Variants in ANKRD36 observed in about 807,000 individuals in gnomAD.
ANKRD36 encodes the protein ankyrin repeat domain-containing protein 36A.
Under a neutral mutation model 278.1 loss-of-function variants are expected in ANKRD36, and 179 were observed. The observed-to-expected ratio is 0.64, with a 90% CI of 0.57 to 0.73. ANKRD36 has a LOEUF of 0.73. Ranked by LOEUF, ANKRD36 falls within the 30% of genes least tolerant of loss-of-function variation. The pLI is 0.00. For synonymous variants in ANKRD36, 320 were observed against 641.1 expected, an observed-to-expected ratio of 0.50 and a Z score of 7.57; for missense variants, 1,159 against 1,956.7, an observed-to-expected ratio of 0.59 and a Z score of 7.69.
intron 15 of ANKRD36, among the ~76,000 whole-genome samples, chr2:97,155,251 A>G (rs2047174157): frequency 1.4e-5 from 2 of 143,200 alleles, no homozygotes; most frequent in African/African-American, 4.9e-5. Flanking sequence ...GTATTTTTGC[A>G]GAGAGCTACT....
Position 97,113,811 on chromosome 2 carries a change from C to G in ANKRD36, c.72C>G (p.Pro24=). 6.2e-7 allele frequency: 1 copy of G among 1,613,012 alleles called. No individual in the cohort carries two copies. Among genetic ancestry groups the G allele is most frequent in the Non-Finnish European group, 8.5e-7 (1 of 1,180,002 alleles). Residue 24 remains proline (P), a synonymous_variant, in exon 1 of 76, where the codon CCC becomes CCG. Coordinates refer to ENST00000420699, the MANE Select transcript of ANKRD36 (RefSeq NM_001354587.1). ...TGTGCTCGGATGGCTTCGCATTTCC[C>G]CAATACCCCATTAAACCGTATCATC... ...ERLCSDGFAF[P]QYPIKPYHLK...
chr2:97,183,735 G>A, intron 28 of ANKRD36, 81 bp downstream of exon 28: 1 of 1,459,490 alleles, frequency 6.9e-7, no homozygotes, highest in Non-Finnish European at 9.2e-7. Context: ...TCAGTGGGGT[G>A]TCATTGAAAA....
intron 6 of ANKRD36, among the ~76,000 whole-genome samples, chr2:97,133,601 ACAGTT>A (rs1341235541): frequency 6.6e-6 from 1 of 152,016 alleles, no homozygotes; most frequent in Non-Finnish European, 1.5e-5. Flanking sequence ...GCCTGTAAAT[ACAGTT>A]AAGTTATTTG....
At position 97,199,963 on chromosome 2, in the gene ANKRD36, G is replaced by T. The variant is rs373880485; in HGVS notation, c.2756-371G>T. On this transcript the variant is annotated intron_variant, in intron 44 of 75. Transcript: ENST00000420699. ...AATCCTCTTAATTTGTTGCATGAAAGACATGTGGGATCATGTAGCACCTGT... is the reference window on the plus strand; with the variant it reads ...AATCCTCTTAATTTGTTGCATGAAATACATGTGGGATCATGTAGCACCTGT... Among the ~76,000 whole-genome samples the T allele has an allele frequency of 2.8e-3, 425 of 151,984 alleles. 23 individuals are homozygous for T. In the East Asian group the frequency reaches 0.048, roughly 17 times the overall value.
At chr2:97,131,930 G>A (rs34207712) in intron 6 of ANKRD36, among the ~76,000 whole-genome samples, 23,662 of 151,510 alleles carry the variant, frequency 0.16, 2,600 homozygotes, top group Middle Eastern at 0.31. Flanking sequence ...CTGGGTTCAA[G>A]CGCTTCTCCT....
At chr2:97,194,583 G>A in intron 38 of ANKRD36, 143 bp from the exon 39 acceptor site, 3 of 1,411,826 alleles carry the variant, frequency 2.1e-6, no homozygotes, top group Non-Finnish European at 2.9e-6. Context: ...GACATGTTCT[G>A]GTCCCCAGAC....
At position 97,121,096 on chromosome 2, in the gene ANKRD36, AG is replaced by A. The variant is rs1169348791; in HGVS notation, c.487-1789del. Among the ~76,000 whole-genome samples the A allele has an allele frequency of 2.0e-5, 3 of 152,078 alleles. 1 individual carries two copies. The highest frequency in any genetic ancestry group is 2.0e-4 in the Admixed American group (3 of 15,226). On this transcript the variant is annotated intron_variant, in intron 3 of 75. Coordinates refer to ENST00000420699, the MANE Select transcript of ANKRD36 (RefSeq NM_001354587.1). The stretch of plus-strand genomic sequence containing the variant: ...ATAATATATTTTAGTAAATATTTCA[AG>A]GTTTTTAAGACATTTTATATTTATT...
intron 34 of ANKRD36, 27 bp from the exon 35 acceptor site, chr2:97,190,951 G>A: frequency 6.2e-7 from 1 of 1,601,656 alleles, no homozygotes; most frequent in Non-Finnish European, 8.5e-7. Context: ...ATATATGAGT[G>A]ATTATGTATC....
At chr2:97,224,562 G>A (rs2068785466) in intron 66 of ANKRD36, among the ~76,000 whole-genome samples, 1 of 151,578 alleles carries the variant, frequency 6.6e-6, no homozygotes, top group African/African-American at 2.4e-5. Flanking sequence ...CCATTCTCCT[G>A]CACCAGCCTC....
At chr2:97,193,282 T>C (rs961314276) in intron 38 of ANKRD36, among the ~76,000 whole-genome samples, 4 of 140,132 alleles carry the variant, frequency 2.9e-5, no homozygotes, top group African/African-American at 5.2e-5. Flanking sequence ...AGAAGAAATA[T>C]GGAGAGCAGT....
At chr2:97,160,149 A>G (rs1323899248) in intron 17 of ANKRD36, among the ~76,000 whole-genome samples, 2 of 152,266 alleles carry the variant, frequency 1.3e-5, no homozygotes, top group African/African-American at 4.8e-5. Context: ...TATATTTTTA[A>G]CCTGGAACCC....
At chr2:97,222,494 T>G (rs536009459) in intron 66 of ANKRD36, among the ~76,000 whole-genome samples, 1,180 of 151,878 alleles carry the variant, frequency 7.8e-3, no homozygotes, top group African/African-American at 0.028. Context: ...CATTTCTTAA[T>G]GCCTGCCATT....
At chr2:97,137,378 T>C (rs2041793742) in intron 6 of ANKRD36, among the ~76,000 whole-genome samples, 1 of 151,920 alleles carries the variant, frequency 6.6e-6, no homozygotes, top group Admixed American at 6.6e-5. Context: ...CTCAAACTTT[T>C]GGCCTCATGT....
Position 97,191,070 on chromosome 2 carries a change from G to T in ANKRD36, c.2275-39G>T, listed in dbSNP as rs543975258. 85 of 1,592,012 alleles carry T rather than the reference G, an allele frequency of 5.3e-5. No homozygotes were observed. In the African/African-American group the frequency reaches 9.9e-4, roughly 19 times the overall value. On this transcript the variant is annotated intron_variant, in intron 35 of 75. Transcript: ENST00000420699. Reference sequence around the variant, plus strand: ...TATAGTCTATGAAATATACTTCATTGATTTATTTATTTATTACTTTCTTTC... The same window carrying T: ...TATAGTCTATGAAATATACTTCATTTATTTATTTATTTATTACTTTCTTTC...
chr2:97,177,158 C>T (rs1164423369), intron 22 of ANKRD36, among the ~76,000 whole-genome samples: 1 of 151,804 alleles, frequency 6.6e-6, no homozygotes, highest in African/African-American at 2.4e-5. Context: ...CTACAAACCA[C>T]TGCTCAAGGA....
Position 97,211,966 on chromosome 2 carries a change from A to G in ANKRD36, c.3469+225A>G, listed in dbSNP as rs1304702450. On this transcript the variant is annotated intron_variant, in intron 58 of 75. Coordinates refer to ENST00000420699, the MANE Select transcript of ANKRD36 (RefSeq NM_001354587.1). ...CTGTACTTTGAAATTGGGAAAAAGAACCATCTGACAGCAATTCAACACATA... is the reference window on the plus strand; with the variant it reads ...CTGTACTTTGAAATTGGGAAAAAGAGCCATCTGACAGCAATTCAACACATA... Among the ~76,000 whole-genome samples, 82 of 152,000 alleles carry G rather than the reference A, an allele frequency of 5.4e-4. 1 individual carries two copies. Among genetic ancestry groups the G allele is most frequent in the Non-Finnish European group, 5.7e-4 (39 of 67,946 alleles).
intron 25 of ANKRD36, 23 bp downstream of exon 25, chr2:97,181,649 G>C: frequency 6.2e-7 from 1 of 1,603,136 alleles, no homozygotes; most frequent in East Asian, 2.2e-5. Flanking sequence ...TCATTTATAT[G>C]TTGAACTATT....
chr2:97,139,611 C>G (rs1403357954), intron 6 of ANKRD36, among the ~76,000 whole-genome samples: 2 of 152,036 alleles, frequency 1.3e-5, no homozygotes, highest in Admixed American at 6.6e-5. Flanking sequence ...TGGTGACATA[C>G]CAGCATGGAT....
intron 6 of ANKRD36, among the ~76,000 whole-genome samples, chr2:97,133,356 G>T (rs1043216432): frequency 3.3e-5 from 5 of 151,894 alleles, no homozygotes; most frequent in Non-Finnish European, 7.4e-5. Context: ...ATATTTAACA[G>T]GTCTCTATAC....
Sources: allele counts gnomAD v4.1 joint callset (sites outside exome capture counted in the v4.1 genomes callset), GRCh38; gene constraint gnomAD v4.1.1; transcripts MANE v1.5; gene names NCBI Gene and HGNC (gene_info 2026-07-23, HGNC 2026-07-21).